ANK1: variants seen among roughly 807,000 people sequenced by gnomAD.
The protein encoded by ANK1 is ankyrin-1.
ANK1 carries 51 observed loss-of-function variants against 210.4 expected under a neutral mutation model. The ratio of observed to expected loss-of-function variants is 0.24; its 90% CI spans 0.19 to 0.31. The LOEUF (loss-of-function observed/expected upper bound fraction) is 0.31, where lower values mean the gene tolerates loss of function less well. Ranked by LOEUF, ANK1 falls within the 10% of genes least tolerant of loss-of-function variation. ANK1 has a pLI of 1.00. For missense variants in ANK1, 2,051 were observed against 2,504.4 expected (o/e 0.82, Z 3.86); for synonymous variants, 967 against 1,025.9 (o/e 0.94, Z 1.10).
In ANK1 at chr8:41,672,728, C is replaced by T. The variant is rs572098639; in HGVS notation, c.4722G>A (p.Thr1574=). The T allele has an allele frequency of 6.2e-6, 10 of 1,607,276 alleles. No individual in the cohort carries two copies. Among genetic ancestry groups the T allele is most frequent in the Middle Eastern group, 1.7e-4 (1 of 6,040 alleles). ...AGTCCTCAGCAGTGACCAGAGAAGG[C>T]GTGAGGCCCGCAGACCACACCTGCA... ...SDMQVWSAGL[T]PSLVTAEDSS... Residue 1574 remains threonine (T), a synonymous_variant, in exon 38 of 43, where the codon ACG becomes ACA. Transcript: ENST00000289734.
chr8:41,723,861 C>T (rs1277690795), intron 7 of ANK1, among the ~76,000 whole-genome samples: 3 of 150,454 alleles, frequency 2.0e-5, no homozygotes, highest in Non-Finnish European at 4.4e-5. Flanking sequence ...GCGATCTCGA[C>T]TCACTGCAAG....
At chr8:41,874,408 T>C (rs552902876) in intron 1 of ANK1, among the ~76,000 whole-genome samples, 1 of 152,112 alleles carries the variant, frequency 6.6e-6, no homozygotes, top group African/African-American at 2.4e-5. Flanking sequence ...GAGTTGGGAG[T>C]GAGAACCATT....
At chr8:41,736,433 G>T (rs901210838) in intron 2 of ANK1, among the ~76,000 whole-genome samples, 2 of 152,222 alleles carry the variant, frequency 1.3e-5, no homozygotes, top group African/African-American at 4.8e-5. Flanking sequence ...CAACCCAGCG[G>T]CAGCCTTATC....
At chr8:41,824,195 C>A (rs1804957820) in intron 1 of ANK1, among the ~76,000 whole-genome samples, 1 of 152,086 alleles carries the variant, frequency 6.6e-6, no homozygotes, top group Non-Finnish European at 1.5e-5. Context: ...AAACTCCTGA[C>A]CTCAGGTGAT....
chr8:41,855,284 A>G (rs1811994651), intron 1 of ANK1, among the ~76,000 whole-genome samples: 1 of 152,256 alleles, frequency 6.6e-6, no homozygotes, highest in African/African-American at 2.4e-5. Context: ...GGAGATGAAC[A>G]GCTAGAATTC....
chr8:41,664,900 G>T (rs774393656), intron 39 of ANK1: 1 of 1,614,182 alleles, frequency 6.2e-7, no homozygotes, highest in Non-Finnish European at 8.5e-7. Context: ...TCCAGCTCCT[G>T]GTGGATGTGC....
intron 1 of ANK1, among the ~76,000 whole-genome samples, chr8:41,827,621 T>G (rs1328530257): frequency 6.6e-6 from 1 of 152,074 alleles, no homozygotes; most frequent in Non-Finnish European, 1.5e-5. Flanking sequence ...AAAGGCTATT[T>G]CTTCACACAC....
chr8:41,882,505 C>A (rs543893870), intron 1 of ANK1, among the ~76,000 whole-genome samples: 1 of 152,264 alleles, frequency 6.6e-6, no homozygotes, highest in African/African-American at 2.4e-5. Context: ...GAATGCATCC[C>A]AGGGTGTTGG....
intron 1 of ANK1, among the ~76,000 whole-genome samples, chr8:41,831,022 C>T (rs965636494): frequency 6.6e-6 from 1 of 152,112 alleles, no homozygotes; most frequent in Admixed American, 6.6e-5. Flanking sequence ...GTCCCATAAA[C>T]GGATCCCATG....
In ANK1 at chr8:41,682,072, C is replaced by T. The variant is rs948747136; in HGVS notation, c.4537+2472G>A. Among the ~76,000 whole-genome samples, 5 of 152,344 alleles carry T rather than the reference C, an allele frequency of 3.3e-5. No homozygotes were observed. In the East Asian group the frequency reaches 9.6e-4, roughly 29 times the overall value. On this transcript the variant is annotated intron_variant, in intron 37 of 42. Coordinates refer to ENST00000289734, the MANE Select transcript of ANK1 (RefSeq NM_000037.4). ...CATGCCACTCTTTGGCCAGAACCCT[C>T]TGATGGCTTTCCAGCTTACTCCAAG...
At chr8:41,748,830 T>C (rs1215189224) in intron 2 of ANK1, among the ~76,000 whole-genome samples, 1 of 152,130 alleles carries the variant, frequency 6.6e-6, no homozygotes, top group Non-Finnish European at 1.5e-5. Flanking sequence ...GGTCAGGAGA[T>C]CAAGACCATC....
Position 41,680,525 on chromosome 8 carries a change from A to G in ANK1, c.4537+4019T>C, listed in dbSNP as rs1272783162. 2.0e-5 allele frequency among the ~76,000 whole-genome samples: 3 copies of G among 150,546 alleles called. No homozygotes were observed. In the Admixed American group the frequency reaches 2.0e-4, roughly 10 times the overall value. On this transcript the variant is annotated intron_variant, in intron 37 of 42. Coordinates refer to ENST00000289734, the MANE Select transcript of ANK1 (RefSeq NM_000037.4). Reference sequence around the variant, plus strand: ...GGTTGCAGTGAGCTGAGATCGCACCATTGCACTCCAGCCAGGGCAACAAGG... The same window carrying G: ...GGTTGCAGTGAGCTGAGATCGCACCGTTGCACTCCAGCCAGGGCAACAAGG...
chr8:41,776,395 G>C (rs916024875), intron 1 of ANK1, among the ~76,000 whole-genome samples: 1 of 152,124 alleles, frequency 6.6e-6, no homozygotes, highest in Non-Finnish European at 1.5e-5. Context: ...TGGAGAAATG[G>C]GGAGGCCTTG....
intron 29 of ANK1, 58 bp from the exon 30 acceptor site, chr8:41,693,259 T>C (rs938301894): frequency 6.9e-7 from 1 of 1,445,240 alleles, no homozygotes; most frequent in Non-Finnish European, 9.7e-7. Flanking sequence ...GCATGGAGCT[T>C]ACTAAAATGC....
intron 39 of ANK1, chr8:41,664,926 A>G (rs1169561767): frequency 1.2e-6 from 2 of 1,614,224 alleles, no homozygotes; most frequent in South Asian, 2.2e-5. Flanking sequence ...CACAAAGCAC[A>G]GGGACCCCCT....
intron 2 of ANK1, among the ~76,000 whole-genome samples, chr8:41,736,787 G>A (rs1487114699): frequency 6.6e-6 from 1 of 152,238 alleles, no homozygotes; most frequent in African/African-American, 2.4e-5. Context: ...TCAATCCGGA[G>A]GGATTCTAGA....
intron 37 of ANK1, among the ~76,000 whole-genome samples, chr8:41,674,710 T>C (rs1215940570): frequency 6.6e-6 from 1 of 152,180 alleles, no homozygotes; most frequent in Admixed American, 6.5e-5. Flanking sequence ...GAAGTTTTCT[T>C]CCCTGCAAGC....
chr8:41,871,807 G>A (rs1417106710), intron 1 of ANK1, among the ~76,000 whole-genome samples: 2 of 152,206 alleles, frequency 1.3e-5, no homozygotes, highest in South Asian at 2.1e-4. Flanking sequence ...GAAAACCTGC[G>A]TGTGAAATAC....
chr8:41,755,698 A>G (rs1838965656), intron 2 of ANK1, among the ~76,000 whole-genome samples: 1 of 152,112 alleles, frequency 6.6e-6, no homozygotes, highest in Non-Finnish European at 1.5e-5. Flanking sequence ...AACAACTCTC[A>G]CACCAAGACT....
Sources: allele counts gnomAD v4.1 joint callset (sites outside exome capture counted in the v4.1 genomes callset), GRCh38; gene constraint gnomAD v4.1.1; transcripts MANE v1.5; gene names NCBI Gene and HGNC (gene_info 2026-07-23, HGNC 2026-07-21).